Variants in SBF2 observed in about 807,000 individuals in gnomAD.
SBF2 encodes the protein myotubularin-related protein 13.
A neutral mutation model predicts 225.2 loss-of-function variants in SBF2; 112 were observed. The ratio of observed to expected loss-of-function variants is 0.50; its 90% CI spans 0.43 to 0.58. The LOEUF is 0.58. Ranked by LOEUF, SBF2 falls within the 20% of genes least tolerant of loss-of-function variation. The pLI is 0.00. For missense variants in SBF2, 1,996 were observed against 2,206.2 expected (o/e 0.90, Z 1.91); for synonymous variants, 763 against 773.3 (o/e 0.99, Z 0.22).
At chr11:10,257,981 AT>A (rs1379152858) in intron 1 of SBF2, among the ~76,000 whole-genome samples, 1 of 152,030 alleles carries the variant, frequency 6.6e-6, no homozygotes, top group Non-Finnish European at 1.5e-5. Flanking sequence ...GTAAAAATAA[AT>A]TTAAAACAGA....
chr11:9,978,763 A>G (rs1946811206), intron 13 of SBF2, among the ~76,000 whole-genome samples: 1 of 152,142 alleles, frequency 6.6e-6, no homozygotes, highest in African/African-American at 2.4e-5. Context: ...TCCTTGGCCG[A>G]GGCGAGTGGA....
At chr11:10,093,886 T>G (rs1042325793) in intron 2 of SBF2, among the ~76,000 whole-genome samples, 2 of 152,210 alleles carry the variant, frequency 1.3e-5, no homozygotes, top group African/African-American at 4.8e-5. Context: ...ATACAGTAGT[T>G]AAATAGACAC....
At chr11:10,158,456 G>T (rs1955576604) in intron 2 of SBF2, among the ~76,000 whole-genome samples, 1 of 151,992 alleles carries the variant, frequency 6.6e-6, no homozygotes, top group Non-Finnish European at 1.5e-5. Flanking sequence ...GAAAAGAGAA[G>T]ACTCAAATAA....
intron 28 of SBF2, among the ~76,000 whole-genome samples, chr11:9,827,412 T>G (rs1337198778): frequency 6.6e-6 from 1 of 152,044 alleles, no homozygotes; most frequent in Non-Finnish European, 1.5e-5. Context: ...ACCTGTAGTC[T>G]TAGCTCCTTG....
In SBF2 at chr11:9,812,504, TAAAG is replaced by T. The variant is rs774930503; in HGVS notation, c.4155+24_4155+27del. ...CTTGGGCCTCTGTTTCTTTGAGTTA[TAAAG>T]AAAGAAGCTGCTTCAGACATTACCT... On this transcript the variant is annotated intron_variant, in intron 30 of 39. Transcript: ENST00000256190. 7 of 1,611,996 alleles carry T rather than the reference TAAAG, an allele frequency of 4.3e-6. No homozygotes were observed. In the East Asian group the frequency reaches 1.3e-4, roughly 31 times the overall value.
Position 10,227,102 on chromosome 11 carries a change from T to C in SBF2, c.56-33115A>G, listed in dbSNP as rs1054814430. 6.0e-3 allele frequency among the ~76,000 whole-genome samples: 917 copies of C among 152,308 alleles called. 15 individuals are homozygous for C. Among genetic ancestry groups the C allele is most frequent in the African/African-American group, 0.02 (832 of 41,570 alleles). ...GATGATGAGCATTTTTTCATGTGTT[T>C]TTTGGCTGCATAAATGTCTTCTTTT... On this transcript the variant is annotated intron_variant, in intron 1 of 39. Coordinates refer to ENST00000256190, the MANE Select transcript of SBF2 (RefSeq NM_030962.4).
At chr11:9,875,766 T>C (rs376990812) in intron 17 of SBF2, among the ~76,000 whole-genome samples, 17 of 152,298 alleles carry the variant, frequency 1.1e-4, no homozygotes, top group South Asian at 8.3e-4. Context: ...GTAGGAGAAA[T>C]TGAAATTCAA....
At chr11:9,829,292 C>G (rs535709324) in intron 28 of SBF2, 64 bp downstream of exon 28, 63 of 1,537,226 alleles carry the variant, frequency 4.1e-5, no homozygotes, top group South Asian at 3.6e-4. Context: ...GTACAAATAA[C>G]CCTAGGAACA....
chr11:10,089,935 T>C (rs1951712355), intron 2 of SBF2, among the ~76,000 whole-genome samples: 1 of 152,278 alleles, frequency 6.6e-6, no homozygotes, highest in East Asian at 1.9e-4. Flanking sequence ...ACAACCAAAA[T>C]GTCCATCAAT....
intron 1 of SBF2, among the ~76,000 whole-genome samples, chr11:10,277,047 C>T (rs578000378): frequency 4.6e-4 from 65 of 141,124 alleles, no homozygotes; most frequent in Non-Finnish European, 8.1e-4. Flanking sequence ...GCCTGGTGAA[C>T]ATAGGGAGAC....
rs923936677 is a variant in SBF2 at position 9,952,431 on chromosome 11, G to A, written c.1860+9526C>T. ...TTAGCCTCACCTTGTCCTTCTGCTC[G>A]CAGAGATACCTGATGTTACTAATTC... On this transcript the variant is annotated intron_variant, in intron 16 of 39. Transcript: ENST00000256190. Among the ~76,000 whole-genome samples the A allele has an allele frequency of 4.5e-4, 68 of 152,090 alleles. 1 individual carries two copies. The highest frequency in any genetic ancestry group is 1.9e-4 in the East Asian group (1 of 5,196).
intron 1 of SBF2, among the ~76,000 whole-genome samples, chr11:10,196,684 T>C (rs1957365475): frequency 6.6e-6 from 1 of 151,720 alleles, no homozygotes; most frequent in African/African-American, 2.4e-5. Flanking sequence ...AGCCCAATCA[T>C]ATTATCTTTT....
intron 1 of SBF2, among the ~76,000 whole-genome samples, chr11:10,246,502 T>C (rs1959806441): frequency 6.6e-6 from 1 of 152,136 alleles, no homozygotes. Context: ...CAGGCTGGTC[T>C]TGAACTCCAA....
chr11:10,187,263 T>TC, intron 2 of SBF2, among the ~76,000 whole-genome samples: 1 of 152,220 alleles, frequency 6.6e-6, no homozygotes, highest in South Asian at 2.1e-4. Context: ...TTAATTATTC[T>TC]CTTTTTCCTC....
chr11:10,042,898 T>C lies in SBF2; in HGVS notation c.225A>G (p.Ser75=). Residue 75 remains serine (S), a synonymous_variant, in exon 3 of 40, where the codon TCA becomes TCG. Transcript: ENST00000256190. ...FFVVVLTDID[S]DRHYCSCLTF... ...TTAGGCATGAGCAGTAATGTCGATCTGAGTCAATGTCTGTCAGGACAACCA... is the reference window on the plus strand; with the variant it reads ...TTAGGCATGAGCAGTAATGTCGATCCGAGTCAATGTCTGTCAGGACAACCA... 6.2e-7 allele frequency: 1 copy of C among 1,614,064 alleles called. No individual in the cohort carries two copies. The highest frequency in any genetic ancestry group is 8.5e-7 in the Non-Finnish European group (1 of 1,179,924).
intron 13 of SBF2, among the ~76,000 whole-genome samples, chr11:9,970,094 A>G (rs192763775): frequency 9.8e-4 from 149 of 152,338 alleles, no homozygotes; most frequent in Non-Finnish European, 1.6e-3. Context: ...AGGCTGCTTT[A>G]CAACTATTCT....
At chr11:9,996,534 C>T (rs1009525067) in intron 9 of SBF2, among the ~76,000 whole-genome samples, 3 of 152,074 alleles carry the variant, frequency 2.0e-5, no homozygotes, top group African/African-American at 4.8e-5. Flanking sequence ...GGATTACAGG[C>T]GTGCGCCACC....
At chr11:10,231,088 C>A (rs1958822147) in intron 1 of SBF2, among the ~76,000 whole-genome samples, 1 of 152,148 alleles carries the variant, frequency 6.6e-6, no homozygotes, top group South Asian at 2.1e-4. Context: ...ACCCTTTCTT[C>A]CAGTTGATCG....
intron 2 of SBF2, among the ~76,000 whole-genome samples, chr11:10,064,385 A>C (rs1950559526): frequency 6.6e-6 from 1 of 152,202 alleles, no homozygotes; most frequent in Non-Finnish European, 1.5e-5. Context: ...AAAGGACTTA[A>C]CCTAAAAGAA....
Sources: gnomAD v4.1 joint callset for allele counts (sites outside exome capture counted in the v4.1 genomes callset) on GRCh38, gnomAD v4.1.1 for gene constraint, MANE v1.5 for transcripts, NCBI Gene and HGNC (gene_info 2026-07-23, HGNC 2026-07-21) for gene names.